MRPS6: variants seen among roughly 807,000 people sequenced by gnomAD.
The protein encoded by MRPS6 is small ribosomal subunit protein bS6m.
A neutral mutation model predicts 13.1 loss-of-function variants in MRPS6; 6 were observed. That is an observed-to-expected ratio of 0.46 (90% confidence interval 0.25 to 0.91). MRPS6 has a LOEUF of 0.91. Ranked by LOEUF, MRPS6 falls within the 40% of genes least tolerant of loss-of-function variation. The pLI is 0.18. For missense variants in MRPS6, 164 were observed against 155.6 expected, an observed-to-expected ratio of 1.05 and a Z score of -0.29; for synonymous variants, 61 against 56.5, an observed-to-expected ratio of 1.08 and a Z score of -0.36.
chr21:34,082,978 C>T (rs1247016590), intron 1 of MRPS6, among the ~76,000 whole-genome samples: 1 of 152,194 alleles, frequency 6.6e-6, no homozygotes, highest in Non-Finnish European at 1.5e-5. Flanking sequence ...AGTGAAAGCA[C>T]AGACTTAGCA....
At chr21:34,075,553 G>GA (rs1279497700) in intron 1 of MRPS6, among the ~76,000 whole-genome samples, 3 of 151,904 alleles carry the variant, frequency 2.0e-5, no homozygotes, top group South Asian at 4.1e-4. Flanking sequence ...GCAAAAAAAA[G>GA]AAAAAAAGCC....
chr21:34,127,148 C>T (rs886989966), intron 2 of MRPS6, among the ~76,000 whole-genome samples: 2 of 152,140 alleles, frequency 1.3e-5, no homozygotes, highest in African/African-American at 4.8e-5. Context: ...GATTTTATTG[C>T]TGGTTCTTTT....
chr21:34,082,575 T>C (rs1225407227), intron 1 of MRPS6, among the ~76,000 whole-genome samples: 1 of 152,204 alleles, frequency 6.6e-6, no homozygotes, highest in East Asian at 1.9e-4. Context: ...AAAAATAGTT[T>C]ACCCATGATC....
chr21:34,104,641 G>A (rs1199736748), intron 1 of MRPS6: 2 of 1,000,188 alleles, frequency 2.0e-6, no homozygotes, highest in Non-Finnish European at 1.2e-6. Flanking sequence ...CCAGCAAAAA[G>A]CTAGCCAGGA....
chr21:34,109,906 A>G (rs1056147802), intron 1 of MRPS6, among the ~76,000 whole-genome samples: 6 of 152,126 alleles, frequency 3.9e-5, no homozygotes, highest in African/African-American at 1.4e-4. Flanking sequence ...CATAAAGCTG[A>G]AAAAAATCTC....
chr21:34,097,044 G>A (rs1978996038), intron 1 of MRPS6: 1 of 1,614,156 alleles, frequency 6.2e-7, no homozygotes, highest in African/African-American at 1.3e-5. Flanking sequence ...GGGCAACCCA[G>A]TGGCATCCTT....
intron 1 of MRPS6, among the ~76,000 whole-genome samples, chr21:34,112,835 C>T (rs893298570): frequency 1.3e-5 from 2 of 151,978 alleles, no homozygotes; most frequent in Non-Finnish European, 2.9e-5. Context: ...TGTCTTATTT[C>T]ATTTAACATA....
chr21:34,079,579 G>A (rs890243650), intron 1 of MRPS6, among the ~76,000 whole-genome samples: 3 of 147,182 alleles, frequency 2.0e-5, no homozygotes, highest in Admixed American at 2.0e-4. Flanking sequence ...GGGATTACAG[G>A]CATGCGCCAC....
intron 1 of MRPS6, chr21:34,105,450 A>T (rs1232737589): frequency 2.0e-6 from 2 of 999,482 alleles, no homozygotes; most frequent in South Asian, 4.7e-5. Context: ...GCCAAATGTC[A>T]GCAGAGTGCT....
chr21:34,111,755 C>A (rs1051742981), intron 1 of MRPS6, among the ~76,000 whole-genome samples: 1 of 152,178 alleles, frequency 6.6e-6, no homozygotes, highest in African/African-American at 2.4e-5. Context: ...CACTGGCATA[C>A]CCTAAGGTAG....
At chr21:34,101,061 T>A in intron 1 of MRPS6, 1 of 1,000,186 alleles carries the variant, frequency 1.0e-6, no homozygotes, top group Non-Finnish European at 1.2e-6. Context: ...TAGAGAGATG[T>A]ATACAAGACC....
chr21:34,101,915 A>G (rs1326565348), intron 1 of MRPS6: 4 of 1,000,054 alleles, frequency 4.0e-6, no homozygotes, highest in South Asian at 9.4e-5. Context: ...GCCCCTTTGA[A>G]ATGATGGTGT....
chr21:34,073,900 A>G (rs1196814101), intron 1 of MRPS6, among the ~76,000 whole-genome samples, 155 bp downstream of exon 1: 2 of 142,826 alleles, frequency 1.4e-5, no homozygotes, highest in Non-Finnish European at 3.1e-5. Flanking sequence ...CGTCCGCGGG[A>G]AGGGGGCGCG....
intron 1 of MRPS6, among the ~76,000 whole-genome samples, chr21:34,106,657 A>G (rs1979488187): frequency 6.6e-6 from 1 of 152,166 alleles, no homozygotes. Context: ...TTTCTGAACC[A>G]TTTGAGATAC....
At chr21:34,111,098 G>A (rs990981480) in intron 1 of MRPS6, among the ~76,000 whole-genome samples, 6 of 152,166 alleles carry the variant, frequency 3.9e-5, no homozygotes, top group Non-Finnish European at 8.8e-5. Flanking sequence ...TGCCTCAGCT[G>A]GGAATGTGTG....
chr21:34,085,266 C>T lies in MRPS6; in HGVS notation c.45+11521C>T, dbSNP rs1043240000. 4.6e-5 allele frequency among the ~76,000 whole-genome samples: 7 copies of T among 152,190 alleles called. No homozygotes were observed. In the South Asian group the frequency reaches 1.2e-3, roughly 27 times the overall value. On this transcript the variant is annotated intron_variant, in intron 1 of 2. Coordinates refer to ENST00000399312, the MANE Select transcript of MRPS6 (RefSeq NM_032476.4). ...CTCACTTTGGAGTTGACTGTAGTTG[C>T]GTTTTCATGATTAGAGTTAGATTAG...
intron 1 of MRPS6, among the ~76,000 whole-genome samples, chr21:34,092,863 C>G (rs975743509): frequency 6.6e-6 from 1 of 152,148 alleles, no homozygotes; most frequent in Non-Finnish European, 1.5e-5. Context: ...AAGAGTGATA[C>G]CTGATTAGCC....
At chr21:34,090,817 A>G (rs1327816057) in intron 1 of MRPS6, among the ~76,000 whole-genome samples, 1 of 150,810 alleles carries the variant, frequency 6.6e-6, no homozygotes, top group Non-Finnish European at 1.5e-5. Flanking sequence ...GAGATCCTAC[A>G]GTTAGGAAGT....
chr21:34,078,647 C>T (rs1989389218), intron 1 of MRPS6, among the ~76,000 whole-genome samples: 1 of 152,060 alleles, frequency 6.6e-6, no homozygotes, highest in Non-Finnish European at 1.5e-5. Context: ...CGGGAAAATT[C>T]TGAAGTAATA....
Sources: allele counts gnomAD v4.1 joint callset (sites outside exome capture counted in the v4.1 genomes callset), GRCh38; gene constraint gnomAD v4.1.1; transcripts MANE v1.5; gene names NCBI Gene and HGNC (gene_info 2026-07-23, HGNC 2026-07-21).